The following RBFOX1 variants were observed in gnomAD, a reference collection of about 807,000 sequenced individuals.
RBFOX1 encodes the protein RNA binding fox-1 homolog 1.
A neutral mutation model predicts 57.7 loss-of-function variants in RBFOX1; 8 were observed. The ratio of observed to expected loss-of-function variants is 0.14; its 90% CI spans 0.08 to 0.25. The LOEUF (loss-of-function observed/expected upper bound fraction) is 0.25. RBFOX1 is among the 10% of genes least tolerant of loss of function. RBFOX1 has a pLI of 1.00. For missense variants in RBFOX1, 611 were observed against 548.5 expected (o/e 1.11, Z -1.14); for synonymous variants, 326 against 222.4 (o/e 1.47, Z -4.15).
At chr16:7,655,116 C>G (rs1256859288) in intron 12 of RBFOX1, among the ~76,000 whole-genome samples, 1 of 152,164 alleles carries the variant, frequency 6.6e-6, no homozygotes, top group Non-Finnish European at 1.5e-5. Flanking sequence ...CTACATTAGC[C>G]TAGATCATCT....
chr16:6,260,437 C>G (rs184617631), intron 1 of RBFOX1, among the ~76,000 whole-genome samples: 14 of 152,060 alleles, frequency 9.2e-5, no homozygotes, highest in Non-Finnish European at 1.9e-4. Flanking sequence ...TTGGGAAGGA[C>G]TTGACTGGAT....
At chr16:6,183,490 A>T (rs1345111710) in intron 1 of RBFOX1, among the ~76,000 whole-genome samples, 1 of 131,094 alleles carries the variant, frequency 7.6e-6, no homozygotes, top group African/African-American at 3.1e-5. Flanking sequence ...AAAAAATTAA[A>T]TAAATAAATA....
chr16:6,556,343 T>G (rs1357884403), intron 2 of RBFOX1, among the ~76,000 whole-genome samples: 1 of 152,234 alleles, frequency 6.6e-6, no homozygotes, highest in African/African-American at 2.4e-5. Context: ...TCTTTGGAAT[T>G]ACCAGATGTT....
chr16:6,650,565 C>T (rs537288355), intron 2 of RBFOX1, among the ~76,000 whole-genome samples: 7 of 152,084 alleles, frequency 4.6e-5, no homozygotes, highest in African/African-American at 2.4e-5. Context: ...AGAGACAGTA[C>T]GAAAAACACC....
At position 6,698,637 on chromosome 16, in the gene RBFOX1, C is replaced by G. The variant is rs181826253; in HGVS notation, c.-16+43987C>G. On this transcript the variant is annotated intron_variant, in intron 3 of 15. Transcript: ENST00000550418. ...CTTCTCCATCTGTTATTCACCGAGGCAGACGTGGTGGGACCACCCCTTTTA... is the reference window on the plus strand; with the variant it reads ...CTTCTCCATCTGTTATTCACCGAGGGAGACGTGGTGGGACCACCCCTTTTA... 1.9e-3 allele frequency among the ~76,000 whole-genome samples: 283 copies of G among 152,300 alleles called. 3 individuals carry two copies. Among genetic ancestry groups the G allele is most frequent in the Middle Eastern group, 0.017 (5 of 294 alleles).
At chr16:5,378,116 C>G (rs1165698249) in intron 1 of RBFOX1, among the ~76,000 whole-genome samples, 2 of 151,526 alleles carry the variant, frequency 1.3e-5, no homozygotes, top group African/African-American at 2.4e-5. Context: ...GAATAAAAGG[C>G]AAATAAGTAG....
At chr16:5,411,204 G>A (rs574000890) in intron 1 of RBFOX1, among the ~76,000 whole-genome samples, 4 of 152,334 alleles carry the variant, frequency 2.6e-5, no homozygotes, top group Middle Eastern at 3.4e-3. Flanking sequence ...CAGAAAGTGC[G>A]AACAAGTCAC....
At chr16:6,323,688 G>T (rs2082057295) in intron 2 of RBFOX1, among the ~76,000 whole-genome samples, 1 of 151,952 alleles carries the variant, frequency 6.6e-6, no homozygotes, top group African/African-American at 2.4e-5. Context: ...TTATTTATAT[G>T]TTTATTAATT....
chr16:7,419,312 C>G (rs2098516303), intron 4 of RBFOX1, among the ~76,000 whole-genome samples: 2 of 152,162 alleles, frequency 1.3e-5, no homozygotes, highest in African/African-American at 4.8e-5. Context: ...AGTGACACTC[C>G]CCTTAGCTGG....
At chr16:6,739,043 C>T (rs1038033846) in intron 3 of RBFOX1, among the ~76,000 whole-genome samples, 1 of 151,880 alleles carries the variant, frequency 6.6e-6, no homozygotes, top group African/African-American at 2.4e-5. Context: ...AATGACAATT[C>T]TAAAATCAAT....
At chr16:6,404,939 G>A (rs1380687531) in intron 2 of RBFOX1, among the ~76,000 whole-genome samples, 7 of 152,104 alleles carry the variant, frequency 4.6e-5, no homozygotes, top group Non-Finnish European at 1.5e-5. Context: ...ATTGGTAGAC[G>A]GAACCACAAA....
intron 10 of RBFOX1, among the ~76,000 whole-genome samples, chr16:7,609,757 T>G (rs2057060039): frequency 6.6e-6 from 1 of 152,180 alleles, no homozygotes; most frequent in Admixed American, 6.5e-5. Flanking sequence ...CAGGCTTTGA[T>G]CATCTCAGAA....
At chr16:5,437,227 G>C (rs991816868) in intron 1 of RBFOX1, among the ~76,000 whole-genome samples, 2 of 152,230 alleles carry the variant, frequency 1.3e-5, no homozygotes, top group Non-Finnish European at 2.9e-5. Context: ...GGCACTGAAA[G>C]ACCTTCTTGA....
chr16:7,492,380 T>G (rs1354100899), intron 4 of RBFOX1, among the ~76,000 whole-genome samples: 1 of 152,216 alleles, frequency 6.6e-6, no homozygotes, highest in Non-Finnish European at 1.5e-5. Context: ...TTTAAATGAC[T>G]ATGTGACAAG....
chr16:7,448,027 T>A (rs2098822099), intron 4 of RBFOX1, among the ~76,000 whole-genome samples: 1 of 152,176 alleles, frequency 6.6e-6, no homozygotes, highest in African/African-American at 2.4e-5. Flanking sequence ...CCTCCTTTCT[T>A]CTGAAGCATG....
chr16:7,442,744 G>T (rs978316532), intron 4 of RBFOX1, among the ~76,000 whole-genome samples: 48 of 152,168 alleles, frequency 3.2e-4, no homozygotes, highest in African/African-American at 1.2e-3. Flanking sequence ...GAACGAGAAA[G>T]ACCTGGTTGC....
intron 4 of RBFOX1, among the ~76,000 whole-genome samples, chr16:7,289,812 T>A (rs149752208): frequency 6.6e-6 from 1 of 152,204 alleles, no homozygotes; most frequent in Admixed American, 6.5e-5. Context: ...GTCTCACTTA[T>A]AAATAAGGAT....
chr16:7,163,683 G>A (rs1041955864), intron 4 of RBFOX1, among the ~76,000 whole-genome samples: 1 of 151,776 alleles, frequency 6.6e-6, no homozygotes, highest in Non-Finnish European at 1.5e-5. Flanking sequence ...TTTTTAGACA[G>A]TCTTGCTCTG....
intron 1 of RBFOX1, among the ~76,000 whole-genome samples, chr16:6,031,992 G>A (rs747139443): frequency 6.6e-6 from 1 of 152,162 alleles, no homozygotes; most frequent in African/African-American, 2.4e-5. Flanking sequence ...CACTGGCTCT[G>A]TGTCACTTTC....
Sources: gnomAD v4.1 joint callset for allele counts (sites outside exome capture counted in the v4.1 genomes callset) on GRCh38, gnomAD v4.1.1 for gene constraint, MANE v1.5 for transcripts, NCBI Gene and HGNC (gene_info 2026-07-23, HGNC 2026-07-21) for gene names.